The following ZCCHC4 variants were observed in gnomAD, a reference collection of about 807,000 sequenced individuals.
ZCCHC4 encodes zinc finger CCHC-type containing 4, also known as rRNA N(6)-adenosine-methyltransferase ZCCHC4.
Under a neutral mutation model 67.7 loss-of-function variants are expected in ZCCHC4, and 54 were observed. The ratio of observed to expected loss-of-function variants is 0.80; its 90% CI spans 0.64 to 1.00. ZCCHC4 has a LOEUF of 1.00. Ranked by LOEUF, ZCCHC4 falls within the 50% of genes least tolerant of loss-of-function variation. ZCCHC4 has a pLI of 0.00. For missense variants in ZCCHC4, 609 were observed against 617.0 expected (o/e 0.99, Z 0.14); for synonymous variants, 198 against 213.5 (o/e 0.93, Z 0.63).
chr4:25,364,873 C>T (rs1053820044), intron 11 of ZCCHC4, 149 bp from the exon 12 acceptor site: 7 of 1,069,064 alleles, frequency 6.5e-6, no homozygotes, highest in African/African-American at 1.6e-5. Flanking sequence ...ACCTCTTCTC[C>T]CTGGTCTCTT....
At chr4:25,318,160 G>A (rs1286923851) in intron 3 of ZCCHC4, among the ~76,000 whole-genome samples, 1 of 151,974 alleles carries the variant, frequency 6.6e-6, no homozygotes, top group Non-Finnish European at 1.5e-5. Context: ...AGGTTTGTTT[G>A]TAGCCATAAT....
chr4:25,317,793 A>G (rs1718349855), intron 3 of ZCCHC4, among the ~76,000 whole-genome samples: 1 of 149,816 alleles, frequency 6.7e-6, no homozygotes, highest in Non-Finnish European at 1.5e-5. Context: ...ATGAGATATT[A>G]TTTAGTCCTG....
At position 25,341,918 on chromosome 4, in the gene ZCCHC4, G is replaced by T. The variant is rs181103067; in HGVS notation, c.687-3630G>T. Among the ~76,000 whole-genome samples, 134 of 152,190 alleles carry T rather than the reference G, an allele frequency of 8.8e-4. No homozygotes were observed. The Middle Eastern group carries it at 0.021, about 23-fold the overall frequency. On this transcript the variant is annotated intron_variant, in intron 5 of 12. Coordinates refer to ENST00000302874, the MANE Select transcript of ZCCHC4 (RefSeq NM_024936.3). ...CATGCCTTTTAGTTTTCCTTTTCTT[G>T]CACCTGTAGTTGTAATATCCTGGTC...
chr4:25,364,829 C>G (rs1720879507), intron 11 of ZCCHC4, among the ~76,000 whole-genome samples, 193 bp from the exon 12 acceptor site: 1 of 152,114 alleles, frequency 6.6e-6, no homozygotes. Context: ...TTGCATGTAA[C>G]AGAAAGAAGT....
chr4:25,329,533 C>CTTTTT (rs56340221), intron 3 of ZCCHC4, among the ~76,000 whole-genome samples: 7 of 127,120 alleles, frequency 5.5e-5, no homozygotes, highest in African/African-American at 8.9e-5. Context: ...TTATATTTTC[C>CTTTTT]TTTTTTTTTT....
intron 3 of ZCCHC4, among the ~76,000 whole-genome samples, chr4:25,329,149 T>C (rs189144286): frequency 1.4e-4 from 21 of 152,198 alleles, no homozygotes; most frequent in African/African-American, 5.1e-4. Context: ...ATCACACCAG[T>C]GTACTGCAGC....
rs112562063 is a variant in ZCCHC4 at position 25,322,887 on chromosome 4, A to G, written c.329+7487A>G. 6.8e-3 allele frequency among the ~76,000 whole-genome samples: 1,029 copies of G among 152,270 alleles called. 10 individuals are homozygous for G. Among genetic ancestry groups the G allele is most frequent in the African/African-American group, 0.023 (966 of 41,556 alleles). ...GTATCTCAGTTTAAAAAATCTATAT[A>G]TGGTAGTAGAATCAAGTTGTTCTAT... On this transcript the variant is annotated intron_variant, in intron 3 of 12. Transcript: ENST00000302874.
intron 3 of ZCCHC4, among the ~76,000 whole-genome samples, chr4:25,324,014 G>GTGTTTTTTTTTTTTTT (rs1553895905): frequency 1.2e-4 from 10 of 82,428 alleles, no homozygotes; most frequent in East Asian, 3.6e-4. Flanking sequence ...TGTTTTTTGT[G>GTGTTTTTTTTTTTTTT]TTTTTTTTTT....
chr4:25,315,432 T>G, intron 3 of ZCCHC4, 32 bp downstream of exon 3: 1 of 1,533,138 alleles, frequency 6.5e-7, no homozygotes, highest in Non-Finnish European at 8.8e-7. Flanking sequence ...TCTTTATTAG[T>G]TTAGCTGTCA....
rs531991261 is a variant in ZCCHC4, at chr4:25,324,128, C to T, written c.329+8728C>T. Among the ~76,000 whole-genome samples the T allele has an allele frequency of 9.3e-5, 14 of 150,258 alleles. No homozygotes were observed. The South Asian group carries it at 1.7e-3, about 18-fold the overall frequency. On this transcript the variant is annotated intron_variant, in intron 3 of 12. Transcript: ENST00000302874. ...CCAGGTTCAAGCGATTCTCCTGCCT[C>T]AGCCTCCCAAGTAGCTGGGACTACA... is the stretch of plus-strand genomic sequence containing the variant.
chr4:25,314,508 G>C (rs1230232612), intron 2 of ZCCHC4, among the ~76,000 whole-genome samples: 1 of 152,184 alleles, frequency 6.6e-6, no homozygotes, highest in Admixed American at 6.5e-5. Context: ...TCTGGAGACT[G>C]GGAAGTCCAG....
rs2109098716 is a variant in ZCCHC4, at chr4:25,369,106, C to T, written c.1484C>T (p.Thr495Ile). 1 of 1,613,888 alleles carries T rather than the reference C, an allele frequency of 6.2e-7. No homozygotes were observed. The highest frequency in any genetic ancestry group is 8.5e-7 in the Non-Finnish European group (1 of 1,179,932). The change falls in exon 13 of 13, where the codon ACA becomes ATA. Residue 495 changes from threonine to isoleucine, a missense_variant. Coordinates refer to ENST00000302874, the MANE Select transcript of ZCCHC4 (RefSeq NM_024936.3). The part of the protein sequence containing the change: ...ETTKGQSMNH[T>I]SATRRKKRRE... ...ACGAAAGGACAATCCATGAATCATA[C>T]ATCTGCTACAAGGAGAAAGAAAAGG...
rs778606647 is a variant in ZCCHC4, at chr4:25,315,393, G to A, written c.322G>A (p.Val108Met). Residue 108 changes from valine to methionine, a missense_variant, in exon 3 of 13, where the codon GTG becomes ATG. Coordinates refer to ENST00000302874, the MANE Select transcript of ZCCHC4 (RefSeq NM_024936.3). ...GCCTCCCCTGTCCCGAACGCAGTGT[G>A]TGGAAAGGTACTGATGCAGTGTCAT... ...CQPPLSRTQC[V>M]ERYLKFIELP... 1 of 1,610,160 alleles carries A rather than the reference G, an allele frequency of 6.2e-7. No homozygotes were observed. The highest frequency in any genetic ancestry group is 2.2e-5 in the East Asian group (1 of 44,696).
intron 3 of ZCCHC4, among the ~76,000 whole-genome samples, chr4:25,332,239 T>C (rs549275317): frequency 1.5e-4 from 20 of 136,336 alleles, no homozygotes; most frequent in Admixed American, 1.0e-3. Flanking sequence ...ACCCGAGAGG[T>C]GGAGGCTGCA....
At chr4:25,362,713 G>C (rs1168794753) in intron 10 of ZCCHC4, among the ~76,000 whole-genome samples, 2 of 152,144 alleles carry the variant, frequency 1.3e-5, no homozygotes, top group Non-Finnish European at 2.9e-5. Context: ...TTTCCTAAGA[G>C]CTTTACATGG....
chr4:25,319,057 A>T (rs1396948273), intron 3 of ZCCHC4, among the ~76,000 whole-genome samples: 2 of 152,232 alleles, frequency 1.3e-5, no homozygotes, highest in African/African-American at 4.8e-5. Flanking sequence ...GTATAAAGTA[A>T]GGTGTGTTAA....
Position 25,312,826 on chromosome 4 carries a change from A to G in ZCCHC4, c.17A>G (p.Asn6Ser), listed in dbSNP as rs1191154407. Residue 6 changes from asparagine (N) to serine (S), a missense_variant, in exon 1 of 13, where the codon AAT becomes AGT. Physicochemically the swap from Asn to Ser is conservative, Grantham distance 46 (BLOSUM62 1). Transcript: ENST00000302874. MAASRNGFEAVEAEGS... is the reference protein window; with the variant it reads MAASRSGFEAVEAEGS... ...GGCGGGAAGATGGCGGCCTCCAGGA[A>G]TGGGTTTGAAGCCGTGGAGGCAGAG... The G allele has an allele frequency of 6.2e-7, 1 of 1,613,088 alleles. No individual in the cohort carries two copies. Among genetic ancestry groups the G allele is most frequent in the African/African-American group, 1.3e-5 (1 of 74,880 alleles).
chr4:25,368,146 C>A (rs1721017291), intron 12 of ZCCHC4, among the ~76,000 whole-genome samples: 1 of 152,166 alleles, frequency 6.6e-6, no homozygotes, highest in East Asian at 1.9e-4. Flanking sequence ...CAGGTTTATT[C>A]CTGACAAGAT....
At chr4:25,314,310 G>A in intron 2 of ZCCHC4, 146 bp downstream of exon 2, 1 of 586,024 alleles carries the variant, frequency 1.7e-6, no homozygotes, top group Non-Finnish European at 3.0e-6. Context: ...TGTTGGTTCA[G>A]AAAATGAGTT....
Sources: allele counts gnomAD v4.1 joint callset (sites outside exome capture counted in the v4.1 genomes callset), GRCh38; gene constraint gnomAD v4.1.1; transcripts MANE v1.5; gene names NCBI Gene and HGNC (gene_info 2026-07-23, HGNC 2026-07-21).